The following DNASE2 variants were observed in gnomAD, a reference collection of about 807,000 sequenced individuals.
The protein encoded by DNASE2 is deoxyribonuclease 2, lysosomal.
Under a neutral mutation model 29.8 loss-of-function variants are expected in DNASE2, and 26 were observed. That is an observed-to-expected ratio of 0.87 (90% CI 0.64 to 1.21). The LOEUF (loss-of-function observed/expected upper bound fraction) is 1.21. Ranked by LOEUF, DNASE2 falls within the 50% of genes most tolerant of loss-of-function variation. The pLI, the probability that DNASE2 is intolerant of heterozygous loss-of-function variation, is 0.00. For synonymous variants in DNASE2, 186 were observed against 193.5 expected (o/e 0.96, Z 0.32); for missense variants, 415 against 455.6 (o/e 0.91, Z 0.81).
Position 12,876,110 on chromosome 19 carries a change from C to G in DNASE2, c.963G>C (p.Arg321=). Residue 321 remains arginine (R), a synonymous_variant, in exon 6 of 6, where the codon CGG becomes CGC. Transcript: ENST00000222219. ...GCTGGGCACACAGTGTGCCCCCACC[C>G]CGTTGCTCCTCTCCCTGGTTCCGAT... is the stretch of plus-strand genomic sequence containing the variant. ...DMNRNQGEEQ[R]GGGTLCAQLP... is the part of the protein sequence containing the mutation. 1 of 1,614,110 alleles carries G rather than the reference C, an allele frequency of 6.2e-7. No individual in the cohort carries two copies. Among genetic ancestry groups the G allele is most frequent in the African/African-American group, 1.3e-5 (1 of 75,058 alleles).
chr19:12,876,263 G>C lies in DNASE2; in HGVS notation c.810C>G (p.Ile270Met). ...VGILPSNCSD[I>M]WQVLNVNQIA... Reference sequence around the variant, plus strand: ...TCTGGTTCACATTCAGAACCTGCCAGATATCCGAGCAGTTAGAGGGCAGGA... The same window carrying C: ...TCTGGTTCACATTCAGAACCTGCCACATATCCGAGCAGTTAGAGGGCAGGA... The change falls in exon 6 of 6, where the codon ATC (isoleucine) becomes ATG (methionine). Residue 270 changes from isoleucine (I) to methionine (M), a missense_variant. Physicochemically the swap from Ile to Met is conservative, Grantham distance 10. Transcript: ENST00000222219. 6.2e-7 allele frequency: 1 copy of C among 1,614,188 alleles called. No individual in the cohort carries two copies. The highest frequency in any genetic ancestry group is 8.5e-7 in the Non-Finnish European group (1 of 1,180,038).
rs1421922659 is a variant in DNASE2 at position 12,878,976 on chromosome 19, C to G, written c.347-142G>C. 2.8e-6 allele frequency: 3 copies of G among 1,074,798 alleles called. No individual in the cohort carries two copies. The African/African-American group carries it at 4.7e-5, about 17-fold the overall frequency. 66.6% of individuals were successfully genotyped at this position (1,074,798 alleles called of 1,614,324 possible). ...TGGCCAACATGGCGAAACCCCATCT[C>G]TACTAAAAATACAAAAATTAGCTGA... On this transcript the variant is annotated intron_variant, in intron 3 of 5. Coordinates refer to ENST00000222219, the MANE Select transcript of DNASE2 (RefSeq NM_001375.3).
chr19:12,879,004 G>C (rs1262998083), intron 3 of DNASE2, among the ~76,000 whole-genome samples, 170 bp from the exon 4 acceptor site: 2 of 151,564 alleles, frequency 1.3e-5, no homozygotes, highest in Admixed American at 1.3e-4. Context: ...TTAGCTGAGC[G>C]TGGTGGTGGA....
At position 12,875,725 on chromosome 19, in the gene DNASE2, A is replaced by C; in HGVS notation, c.*265T>G. 4.5e-6 allele frequency: 1 copy of C among 222,828 alleles called. No homozygotes were observed. Among genetic ancestry groups the C allele is most frequent in the East Asian group, 1.2e-4 (1 of 8,682 alleles). 13.8% of individuals were successfully genotyped at this position (222,828 alleles called of 1,614,324 possible). A position where few individuals can be genotyped will look rare whatever the true frequency, so the allele number is the denominator to read the frequency against. ...CGCCCCCCCTTTTTTTTTGAAACAG[A>C]GTCTTGCTATGTGACCCAGGTTGGC... is the stretch of plus-strand genomic sequence containing the variant. On this transcript the variant is annotated 3_prime_UTR_variant, in exon 6 of 6. Transcript: ENST00000222219.
At chr19:12,879,268 T>G (rs1970353541) in intron 3 of DNASE2, among the ~76,000 whole-genome samples, 5 of 151,776 alleles carry the variant, frequency 3.3e-5, no homozygotes. Context: ...GCGGATCACC[T>G]GAGGTCGGGA....
At chr19:12,876,511 G>A in intron 5 of DNASE2, 148 bp from the exon 6 acceptor site, 6 of 1,263,114 alleles carry the variant, frequency 4.8e-6, no homozygotes, top group Non-Finnish European at 6.3e-6. Flanking sequence ...CCAGGCTAGA[G>A]TGCATTGGTG....
chr19:12,881,427 G>C lies in DNASE2; in HGVS notation c.-52C>G. The C allele has an allele frequency of 6.5e-7, 1 of 1,546,778 alleles. No homozygotes were observed. Among genetic ancestry groups the C allele is most frequent in the Non-Finnish European group, 8.7e-7 (1 of 1,145,876 alleles). ...ATCTGTGTCGGGACTGCGGGGCGCT[G>C]GGTTACATCAGAGGCCAGGACTGGC... On this transcript the variant is annotated 5_prime_UTR_variant, in exon 1 of 6. Transcript: ENST00000222219.
chr19:12,878,877 T>A (rs1970347853), intron 3 of DNASE2, 43 bp from the exon 4 acceptor site: 1 of 1,586,394 alleles, frequency 6.3e-7, no homozygotes, highest in Admixed American at 1.8e-5. Context: ...GCGCAGTGGC[T>A]CACGCCTGTA....
intron 3 of DNASE2, among the ~76,000 whole-genome samples, chr19:12,879,352 T>C (rs1970354442): frequency 6.6e-6 from 1 of 150,924 alleles, no homozygotes; most frequent in Non-Finnish European, 1.5e-5. Context: ...GGCATGGTGG[T>C]GCATGCCTGT....
intron 3 of DNASE2, 114 bp from the exon 4 acceptor site, chr19:12,878,948 G>T: frequency 7.4e-7 from 1 of 1,351,574 alleles, no homozygotes; most frequent in Non-Finnish European, 1.0e-6. Flanking sequence ...TTAGAAATCA[G>T]CCTGGCCAAC....
At chr19:12,879,909 G>A (rs1648775841) in intron 3 of DNASE2, among the ~76,000 whole-genome samples, 1 of 151,812 alleles carries the variant, frequency 6.6e-6, no homozygotes, top group South Asian at 2.1e-4. Context: ...TTCAATATCA[G>A]CCTGTCCAAC....
In DNASE2 at chr19:12,875,897, G is replaced by A; in HGVS notation, c.*93C>T. Reference sequence around the variant, plus strand: ...GTGGTCTCACTATGTAGCCCAGGCTGGTCTCGAATTCCTGAGTTCAAGTGA... The same window carrying A: ...GTGGTCTCACTATGTAGCCCAGGCTAGTCTCGAATTCCTGAGTTCAAGTGA... On this transcript the variant is annotated 3_prime_UTR_variant, in exon 6 of 6. Coordinates refer to ENST00000222219, the MANE Select transcript of DNASE2 (RefSeq NM_001375.3). 2 of 1,521,980 alleles carry A rather than the reference G, an allele frequency of 1.3e-6. No homozygotes were observed. The highest frequency in any genetic ancestry group is 1.8e-6 in the Non-Finnish European group (2 of 1,117,742). 94.3% of individuals were successfully genotyped at this position (1,521,980 alleles called of 1,614,324 possible).
chr19:12,877,325 G>A (rs959658460), intron 5 of DNASE2, among the ~76,000 whole-genome samples: 3 of 148,388 alleles, frequency 2.0e-5, no homozygotes, highest in Admixed American at 6.7e-5. Flanking sequence ...TTGCAGCCTC[G>A]ACCTCCTGGG....
In DNASE2 at chr19:12,878,677, C is replaced by G. The variant is rs140738663; in HGVS notation, c.504G>C (p.Ser168=). 1.9e-6 allele frequency: 3 copies of G among 1,614,012 alleles called. No individual in the cohort carries two copies. The highest frequency in any genetic ancestry group is 2.2e-5 in the South Asian group (2 of 91,064). Residue 168 remains serine (S), a synonymous_variant, in exon 4 of 6, where the codon TCG becomes TCC. Coordinates refer to ENST00000222219, the MANE Select transcript of DNASE2 (RefSeq NM_001375.3). ...LCVSFPFAQF[S]KMGKQLTYTY... ...GTCCCTGACTCGACTTACCCATCTTCGAGAACTGAGCGAAGGGAAAAGACA... is the reference window on the plus strand; with the variant it reads ...GTCCCTGACTCGACTTACCCATCTTGGAGAACTGAGCGAAGGGAAAAGACA...
At chr19:12,879,904 T>G (rs1970361481) in intron 3 of DNASE2, among the ~76,000 whole-genome samples, 1 of 151,104 alleles carries the variant, frequency 6.6e-6, no homozygotes, top group South Asian at 2.1e-4. Flanking sequence ...AGGAGTTCAA[T>G]ATCAGCCTGT....
intron 5 of DNASE2, among the ~76,000 whole-genome samples, chr19:12,877,617 C>T (rs900462246): frequency 2.0e-5 from 3 of 151,854 alleles, no homozygotes; most frequent in Non-Finnish European, 4.4e-5. Flanking sequence ...ACTATCTTGA[C>T]TCACTGCAAG....
At chr19:12,878,108 T>C (rs893612560) in intron 5 of DNASE2, 3 of 464,840 alleles carry the variant, frequency 6.5e-6, no homozygotes, top group African/African-American at 5.9e-5. Context: ...AGGCACCACC[T>C]CTGGCACCCA....
rs372690661 is a variant in DNASE2 at position 12,876,388 on chromosome 19, A to C, written c.710-25T>G. On this transcript the variant is annotated intron_variant, in intron 5 of 5. Transcript: ENST00000222219. ...TCTGCAAAGGATGGAGAGAGGGCAC[A>C]GGTAGGGTCAGGGCCACTGCGAGGG... is the stretch of plus-strand genomic sequence containing the variant. 4.4e-6 allele frequency: 7 copies of C among 1,606,042 alleles called. No individual in the cohort carries two copies. In the African/African-American group the frequency reaches 9.4e-5, roughly 21 times the overall value.
intron 3 of DNASE2, 134 bp downstream of exon 3, chr19:12,880,668 G>GA (rs947053806): frequency 0.014 from 15,161 of 1,071,908 alleles, no homozygotes; most frequent in Non-Finnish European, 0.016. Flanking sequence ...CAAAAACAAA[G>GA]AAAAAAAAAA....
Sources: gnomAD v4.1 joint callset for allele counts (sites outside exome capture counted in the v4.1 genomes callset) on GRCh38, gnomAD v4.1.1 for gene constraint, MANE v1.5 for transcripts, NCBI Gene and HGNC (gene_info 2026-07-23, HGNC 2026-07-21) for gene names.